Variants in RHPN2 observed in about 807,000 individuals in gnomAD.
The protein encoded by RHPN2 is rhophilin Rho GTPase binding protein 2.
Under a neutral mutation model 79.0 loss-of-function variants are expected in RHPN2, and 40 were observed. The ratio of observed to expected loss-of-function variants is 0.51; its 90% confidence interval spans 0.39 to 0.66. RHPN2 has a LOEUF of 0.66. Among genes scored for constraint, RHPN2 ranks in the 30% least tolerant of loss-of-function variants. The probability of loss-of-function intolerance (pLI) is 0.00; values close to 1 mark genes in which losing one functional copy is unlikely to be tolerated. For synonymous variants in RHPN2, 285 were observed against 363.5 expected (o/e 0.78, Z 2.46); for missense variants, 686 against 883.5 (o/e 0.78, Z 2.83).
chr19:33,019,675 G>A (rs1234768616), intron 4 of RHPN2, among the ~76,000 whole-genome samples: 3 of 151,486 alleles, frequency 2.0e-5, no homozygotes, highest in East Asian at 3.9e-4. Context: ...GAAGTGGGAG[G>A]ATCACCTGAG....
intron 7 of RHPN2, among the ~76,000 whole-genome samples, chr19:33,005,730 GT>G (rs1387181939): frequency 2.0e-5 from 3 of 151,596 alleles, no homozygotes; most frequent in African/African-American, 7.3e-5. Context: ...TTCGTCTATA[GT>G]TTGTCTCCAT....
chr19:32,983,076 A>ACACC (rs1971587514), intron 14 of RHPN2, among the ~76,000 whole-genome samples: 1 of 148,718 alleles, frequency 6.7e-6, no homozygotes, highest in Non-Finnish European at 1.5e-5. Flanking sequence ...ACACACACAC[A>ACACC]CACACACACA....
In RHPN2 at chr19:32,987,838, C is replaced by T. The variant is rs549922898; in HGVS notation, c.1800+2676G>A. On this transcript the variant is annotated intron_variant, in intron 14 of 14. Transcript: ENST00000254260. ...CATCTGGAACATTCAAAACATGACT[C>T]TTGATTTCTCTCTCCTTCACCTCCC... is the stretch of plus-strand genomic sequence containing the variant. Among the ~76,000 whole-genome samples, 9 of 152,254 alleles carry T rather than the reference C, an allele frequency of 5.9e-5. No individual in the cohort carries two copies. The South Asian group carries it at 1.9e-3, about 32-fold the overall frequency.
At position 33,002,330 on chromosome 19, in the gene RHPN2, C is replaced by A; in HGVS notation, c.1022G>T (p.Trp341Leu). The A allele has an allele frequency of 6.2e-7, 1 of 1,613,946 alleles. No individual in the cohort carries two copies. The highest frequency in any genetic ancestry group is 8.5e-7 in the Non-Finnish European group (1 of 1,179,886). The change falls in exon 9 of 15, where the codon TGG (tryptophan) becomes TTG (leucine). Residue 341 changes from tryptophan to leucine, a missense_variant. Transcript: ENST00000254260. ...APVKENIPYS[W>L]ASLACVKAHH... ...GGCCTTCACGCAGGCTAAGCTGGCC[C>A]AGGAGTAGGGGATGTTCTCTTTCAC...
In RHPN2 at chr19:33,008,162, C is replaced by T. The variant is rs754034877; in HGVS notation, c.612G>A (p.Gly204=). 8.7e-6 allele frequency: 14 copies of T among 1,614,054 alleles called. No individual in the cohort carries two copies. In the South Asian group the frequency reaches 1.2e-4, roughly 14 times the overall value. ...GCAGGTTCTGCTGGCTGACCGGAAC[C>T]CCGGTGAGAGAGTCATACCTATGTG... ...LLFTWYDSLT[G]VPVSQQNLLL... Residue 204 remains glycine (G), a synonymous_variant, in exon 7 of 15, where the codon GGG becomes GGA. Coordinates refer to ENST00000254260, the MANE Select transcript of RHPN2 (RefSeq NM_033103.5).
chr19:33,048,602 T>C (rs2145266411), intron 1 of RHPN2, among the ~76,000 whole-genome samples: 1 of 150,622 alleles, frequency 6.6e-6, no homozygotes, highest in Non-Finnish European at 1.5e-5. Context: ...GGCATGCGCC[T>C]ATAATCCCAG....
chr19:33,036,542 T>C (rs1446533989), intron 2 of RHPN2, among the ~76,000 whole-genome samples: 3 of 152,146 alleles, frequency 2.0e-5, no homozygotes, highest in Non-Finnish European at 4.4e-5. Flanking sequence ...TTGGCGACAC[T>C]TGAGGAGCCC....
intron 3 of RHPN2, among the ~76,000 whole-genome samples, chr19:33,025,477 G>A (rs545716539): frequency 2.8e-4 from 42 of 151,050 alleles, no homozygotes; most frequent in African/African-American, 1.0e-3. Flanking sequence ...GGGAGACTCT[G>A]TGTCAAAAAA....
chr19:33,024,795 T>A (rs1971953090), intron 3 of RHPN2, among the ~76,000 whole-genome samples: 1 of 152,214 alleles, frequency 6.6e-6, no homozygotes, highest in South Asian at 2.1e-4. Flanking sequence ...TTTTTGTGTT[T>A]TTTGAGACAG....
chr19:33,018,464 TG>T lies in RHPN2; in HGVS notation c.390+3106del. 1.3e-5 allele frequency among the ~76,000 whole-genome samples: 2 copies of T among 152,312 alleles called. 1 individual carries two copies. Among genetic ancestry groups the T allele is most frequent in the Admixed American group, 1.3e-4 (2 of 15,280 alleles). Reference sequence around the variant, plus strand: ...GATTATAGGCATGAGCCATTGCATCTGGGCATAAGTCTCAGGTAAAAGTTCA... The same window carrying T: ...GATTATAGGCATGAGCCATTGCATCTGGCATAAGTCTCAGGTAAAAGTTCA... On this transcript the variant is annotated intron_variant, in intron 4 of 14. Coordinates refer to ENST00000254260, the MANE Select transcript of RHPN2 (RefSeq NM_033103.5).
At chr19:33,043,073 C>T (rs1378323746) in intron 2 of RHPN2, among the ~76,000 whole-genome samples, 5 of 119,122 alleles carry the variant, frequency 4.2e-5, no homozygotes, top group South Asian at 3.0e-4. Context: ...AGCAAGACTC[C>T]GTCTCAAAAA....
chr19:33,034,593 G>A (rs1373984052), intron 2 of RHPN2, among the ~76,000 whole-genome samples: 6 of 114,210 alleles, frequency 5.3e-5, no homozygotes, highest in Admixed American at 1.1e-4. Context: ...GTGACAGAGC[G>A]AGACTCCGTC....
At chr19:33,048,151 G>A (rs942059309) in intron 1 of RHPN2, among the ~76,000 whole-genome samples, 2 of 151,788 alleles carry the variant, frequency 1.3e-5, no homozygotes, top group African/African-American at 4.8e-5. Context: ...TGCCTCCTGG[G>A]TTCAAGTGAT....
Position 33,031,813 on chromosome 19 carries a change from C to T in RHPN2, c.186-5181G>A, listed in dbSNP as rs562633719. Reference sequence around the variant, plus strand: ...TCTCCTGCCTCAGCCTCCCGAGTAGCTGGGACAGTGATTCTCCTGCCTCAG... The same window carrying T: ...TCTCCTGCCTCAGCCTCCCGAGTAGTTGGGACAGTGATTCTCCTGCCTCAG... On this transcript the variant is annotated intron_variant, in intron 2 of 14. Coordinates refer to ENST00000254260, the MANE Select transcript of RHPN2 (RefSeq NM_033103.5). Among the ~76,000 whole-genome samples, 16 of 151,890 alleles carry T rather than the reference C, an allele frequency of 1.1e-4. No homozygotes were observed. The South Asian group carries it at 3.1e-3, about 30-fold the overall frequency.
chr19:33,064,759 C>A, intron 1 of RHPN2, 25 bp downstream of exon 1: 1 of 1,026,992 alleles, frequency 9.7e-7, no homozygotes, highest in Non-Finnish European at 1.3e-6. Context: ...CGCAGGTCCC[C>A]GCCCGCCCGC....
intron 4 of RHPN2, among the ~76,000 whole-genome samples, chr19:33,018,036 C>T (rs1430901530): frequency 3.3e-5 from 5 of 152,048 alleles, no homozygotes; most frequent in African/African-American, 1.2e-4. Context: ...TGCCTGAAAC[C>T]CCAGCTACTC....
Position 32,978,995 on chromosome 19 carries a change from A to G in RHPN2, c.*1001T>C, listed in dbSNP as rs2145995017. 6.6e-6 allele frequency: 1 copy of G among 152,284 alleles called. No homozygotes were observed. The highest frequency in any genetic ancestry group is 3.4e-3 in the Middle Eastern group (1 of 294). The allele number at this position is 152,284 out of a possible 1,614,324, so 9.4% of individuals were successfully genotyped here. On this transcript the variant is annotated 3_prime_UTR_variant, in exon 15 of 15. Coordinates refer to ENST00000254260, the MANE Select transcript of RHPN2 (RefSeq NM_033103.5). ...AAACCTCACCTCAACTAAAAATACA[A>G]AAATCAGCCAGGCATGCTGGAGGGC...
chr19:33,029,116 G>A (rs1223235372), intron 2 of RHPN2, among the ~76,000 whole-genome samples: 2 of 151,668 alleles, frequency 1.3e-5, no homozygotes, highest in Non-Finnish European at 2.9e-5. Flanking sequence ...CTCCAGCCTG[G>A]GCAACAAGAG....
chr19:33,035,850 C>T (rs1057031587), intron 2 of RHPN2, among the ~76,000 whole-genome samples: 1 of 152,186 alleles, frequency 6.6e-6, no homozygotes, highest in African/African-American at 2.4e-5. Flanking sequence ...GGCGCCATGG[C>T]TCACGCCTAT....
Sources: allele counts gnomAD v4.1 joint callset (sites outside exome capture counted in the v4.1 genomes callset), GRCh38; gene constraint gnomAD v4.1.1; transcripts MANE v1.5; gene names NCBI Gene and HGNC (gene_info 2026-07-23, HGNC 2026-07-21).